Variants in MSRA observed in about 807,000 individuals in gnomAD.
MSRA encodes methionine sulfoxide reductase A.
MSRA carries 54 observed loss-of-function variants against 31.3 expected under a neutral mutation model. That is an observed-to-expected ratio of 1.73 (90% confidence interval 1.39 to 2.17). The LOEUF is 2.17. MSRA is among the 30% of genes most tolerant of loss of function. MSRA has a pLI of 0.00. For synonymous variants in MSRA, 169 were observed against 116.5 expected (o/e 1.45, Z -2.90); for missense variants, 507 against 300.9 (o/e 1.69, Z -5.07).
chr8:10,152,457 T>C (rs1246310959), intron 1 of MSRA, among the ~76,000 whole-genome samples: 3 of 152,148 alleles, frequency 2.0e-5, no homozygotes, highest in Non-Finnish European at 4.4e-5. Flanking sequence ...GGAAGATGAC[T>C]CACTAGATCT....
intron 5 of MSRA, among the ~76,000 whole-genome samples, chr8:10,335,258 T>TTG (rs1802966186): frequency 6.8e-6 from 1 of 147,432 alleles, no homozygotes; most frequent in African/African-American, 2.5e-5. Context: ...CTGTTTTTTT[T>TTG]TTTTTTTTTT....
intron 3 of MSRA, among the ~76,000 whole-genome samples, chr8:10,293,805 C>T (rs1010662663): frequency 1.3e-5 from 2 of 152,068 alleles, no homozygotes; most frequent in African/African-American, 4.8e-5. Flanking sequence ...CTCCTGATGA[C>T]TGGGGCAGCA....
chr8:10,299,098 T>C lies in MSRA; in HGVS notation c.332-2436T>C, dbSNP rs542503594. ...TTATTAAATATGATAAGAGATAATA[T>C]GTTAGTGTTTGAATATGCATTTATT... On this transcript the variant is annotated intron_variant, in intron 3 of 5. Transcript: ENST00000317173. Among the ~76,000 whole-genome samples the C allele has an allele frequency of 3.3e-5, 5 of 152,282 alleles. No individual in the cohort carries two copies. In the East Asian group the frequency reaches 5.8e-4, roughly 18 times the overall value.
intron 5 of MSRA, among the ~76,000 whole-genome samples, chr8:10,372,165 T>A (rs1381660221): frequency 6.6e-6 from 1 of 152,140 alleles, no homozygotes; most frequent in Non-Finnish European, 1.5e-5. Context: ...GGCAGGGCCT[T>A]CCCACCTTTT....
chr8:10,133,899 C>G (rs1057339597), intron 1 of MSRA, among the ~76,000 whole-genome samples: 1 of 152,068 alleles, frequency 6.6e-6, no homozygotes, highest in African/African-American at 2.4e-5. Flanking sequence ...GTCACAATCT[C>G]GGCTCACTGT....
intron 2 of MSRA, among the ~76,000 whole-genome samples, chr8:10,208,272 A>G (rs1048973465): frequency 6.6e-6 from 1 of 151,370 alleles, no homozygotes; most frequent in African/African-American, 2.4e-5. Context: ...AGTAGTTTTG[A>G]CTTATTATTA....
chr8:10,231,454 G>A (rs1811465804), intron 2 of MSRA, among the ~76,000 whole-genome samples: 1 of 152,174 alleles, frequency 6.6e-6, no homozygotes, highest in Admixed American at 6.5e-5. Context: ...TCACGTGTCA[G>A]GGAGCCCCCC....
intron 1 of MSRA, among the ~76,000 whole-genome samples, chr8:10,171,526 A>G (rs1405620077): frequency 6.6e-6 from 1 of 152,224 alleles, no homozygotes; most frequent in Non-Finnish European, 1.5e-5. Context: ...AGTAACTGTT[A>G]CTACTGAGTA....
chr8:10,307,725 T>G (rs1205920360), intron 4 of MSRA, among the ~76,000 whole-genome samples: 3 of 152,180 alleles, frequency 2.0e-5, no homozygotes, highest in Non-Finnish European at 4.4e-5. Context: ...CCCAGAGGAC[T>G]GTGGTCTGGA....
At chr8:10,332,430 T>G (rs1435892916) in intron 5 of MSRA, among the ~76,000 whole-genome samples, 5 of 151,498 alleles carry the variant, frequency 3.3e-5, no homozygotes, top group African/African-American at 7.3e-5. Context: ...TTCATTGACT[T>G]ACCTTAGTCA....
intron 5 of MSRA, among the ~76,000 whole-genome samples, chr8:10,342,201 A>C (rs1300998892): frequency 1.3e-5 from 2 of 152,206 alleles, no homozygotes; most frequent in Non-Finnish European, 2.9e-5. Flanking sequence ...TCTCACAAGC[A>C]TGGCCTTGAG....
At chr8:10,328,027 A>ATTTTTTTTTTTTTTTTTTTTTTTTT (rs35940076) in intron 5 of MSRA, among the ~76,000 whole-genome samples, 2 of 65,310 alleles carry the variant, frequency 3.1e-5, no homozygotes, top group African/African-American at 7.1e-5. Flanking sequence ...CTCTATGGTA[A>ATTTTTTTTTTTTTTTTTTTTTTTTT]TTTTTTTTTT....
At chr8:10,263,267 C>A (rs192701836) in intron 3 of MSRA, among the ~76,000 whole-genome samples, 2 of 152,344 alleles carry the variant, frequency 1.3e-5, no homozygotes, top group African/African-American at 4.8e-5. Flanking sequence ...CCTCACCATT[C>A]TCCCAGTAAC....
At chr8:10,177,078 G>C (rs564828103) in intron 1 of MSRA, among the ~76,000 whole-genome samples, 1 of 152,150 alleles carries the variant, frequency 6.6e-6, no homozygotes, top group Non-Finnish European at 1.5e-5. Context: ...AGTTTATTAC[G>C]TGCTGTTTGC....
At chr8:10,425,268 C>G (rs1585754416) in intron 5 of MSRA, among the ~76,000 whole-genome samples, 1 of 152,202 alleles carries the variant, frequency 6.6e-6, no homozygotes, top group Non-Finnish European at 1.5e-5. Flanking sequence ...AGGTCCCAGG[C>G]CCAGGGCGGT....
chr8:10,421,233 T>C (rs955137391), intron 5 of MSRA, among the ~76,000 whole-genome samples: 1 of 152,182 alleles, frequency 6.6e-6, no homozygotes, highest in Non-Finnish European at 1.5e-5. Flanking sequence ...CCTCGGCTGC[T>C]GACCGGTGGC....
intron 1 of MSRA, among the ~76,000 whole-genome samples, chr8:10,143,365 G>C (rs1802865859): frequency 6.6e-6 from 1 of 152,024 alleles, no homozygotes. Context: ...TTCAGAAAAG[G>C]GTCCCTTCAC....
chr8:10,395,053 A>G (rs369762296), intron 5 of MSRA, among the ~76,000 whole-genome samples: 10 of 152,350 alleles, frequency 6.6e-5, no homozygotes, highest in African/African-American at 1.4e-4. Context: ...ACCAAGTGGC[A>G]GAAGCCAACA....
chr8:10,388,257 C>A (rs1343049600), intron 5 of MSRA, among the ~76,000 whole-genome samples: 2 of 152,124 alleles, frequency 1.3e-5, no homozygotes, highest in Non-Finnish European at 2.9e-5. Flanking sequence ...CTACAGAAAG[C>A]AAGTGTAAGG....
Sources: allele counts gnomAD v4.1 joint callset (sites outside exome capture counted in the v4.1 genomes callset), GRCh38; gene constraint gnomAD v4.1.1; transcripts MANE v1.5; gene names NCBI Gene and HGNC (gene_info 2026-07-23, HGNC 2026-07-21).